Variants in WDR1 observed in about 807,000 individuals in gnomAD.
WDR1 encodes WD repeat-containing protein 1.
WDR1 carries 21 observed loss-of-function variants against 71.9 expected under a neutral mutation model. The observed-to-expected ratio is 0.29, with a 90% CI of 0.21 to 0.42. The LOEUF is 0.42. Among genes scored for constraint, WDR1 ranks in the 10% least tolerant of loss-of-function variants. The pLI, the probability that WDR1 is intolerant of heterozygous loss-of-function variation, is 1.00. For synonymous variants in WDR1, 424 were observed against 347.4 expected, an observed-to-expected ratio of 1.22 and a Z score of -2.45; for missense variants, 696 against 824.5, an observed-to-expected ratio of 0.84 and a Z score of 1.91.
At chr4:10,090,382 TCGATGTCCCCA>T (rs764870384) in intron 5 of WDR1, among the ~76,000 whole-genome samples, 26 of 151,910 alleles carry the variant, frequency 1.7e-4, no homozygotes, top group Non-Finnish European at 8.8e-5. Flanking sequence ...CTCAAGGAAA[TCGATGTCCCCA>T]CAAAGTCCGT....
At chr4:10,111,535 C>G (rs1057161368) in intron 2 of WDR1, among the ~76,000 whole-genome samples, 1 of 152,206 alleles carries the variant, frequency 6.6e-6, no homozygotes, top group African/African-American at 2.4e-5. Flanking sequence ...CTTCTGCCAC[C>G]TAGAGTTTAT....
intron 2 of WDR1, among the ~76,000 whole-genome samples, chr4:10,115,421 T>C (rs1295198079): frequency 6.6e-6 from 1 of 152,224 alleles, no homozygotes; most frequent in Non-Finnish European, 1.5e-5. Context: ...CTGCTTCCTG[T>C]TTTTGCTTTG....
intron 10 of WDR1, among the ~76,000 whole-genome samples, chr4:10,082,168 C>T (rs1381128223): frequency 6.6e-6 from 1 of 152,208 alleles, no homozygotes; most frequent in Non-Finnish European, 1.5e-5. Flanking sequence ...GGGGCCGCTT[C>T]TGCCACTCAT....
At chr4:10,085,471 GCCT>G (rs1765174393) in intron 8 of WDR1, among the ~76,000 whole-genome samples, 1 of 152,192 alleles carries the variant, frequency 6.6e-6, no homozygotes, top group Non-Finnish European at 1.5e-5. Context: ...GAGCTGGGCG[GCCT>G]CCTTCCAATG....
intron 5 of WDR1, chr4:10,092,463 CTG>C (rs561057759): frequency 2.0e-4 from 31 of 154,370 alleles, no homozygotes; most frequent in African/African-American, 7.0e-4. Flanking sequence ...AAATCCAAGT[CTG>C]TGGTTCACCT....
intron 11 of WDR1, among the ~76,000 whole-genome samples, chr4:10,079,769 G>T (rs1245874638): frequency 6.6e-6 from 1 of 152,182 alleles, no homozygotes; most frequent in African/African-American, 2.4e-5. Flanking sequence ...TGGATTGTGG[G>T]TGGATCGCGA....
intron 3 of WDR1, among the ~76,000 whole-genome samples, chr4:10,101,163 G>C (rs1712660868): frequency 6.6e-6 from 1 of 152,264 alleles, no homozygotes; most frequent in Non-Finnish European, 1.5e-5. Flanking sequence ...TCAGGAAAAG[G>C]AGGCCTGGGC....
At chr4:10,084,418 G>A in intron 9 of WDR1, 25 bp downstream of exon 9, 1 of 1,608,524 alleles carries the variant, frequency 6.2e-7, no homozygotes, top group South Asian at 1.1e-5. Context: ...CGGCTCCGGA[G>A]CCAGCTCTTT....
intron 11 of WDR1, among the ~76,000 whole-genome samples, chr4:10,080,165 C>T (rs532494837): frequency 2.8e-4 from 42 of 152,322 alleles, no homozygotes; most frequent in African/African-American, 8.7e-4. Flanking sequence ...GGGCAGCAGG[C>T]GCCAGCTGGG....
chr4:10,102,010 C>A (rs1712709947), intron 3 of WDR1, among the ~76,000 whole-genome samples: 1 of 152,206 alleles, frequency 6.6e-6, no homozygotes, highest in African/African-American at 2.4e-5. Flanking sequence ...ACACAAAAAC[C>A]ATTAAATGCC....
In WDR1 at chr4:10,078,067, G is replaced by C. The variant is rs1277926691; in HGVS notation, c.1396-141C>G. 3 of 1,097,944 alleles carry C rather than the reference G, an allele frequency of 2.7e-6. No homozygotes were observed. In the African/African-American group the frequency reaches 4.8e-5, roughly 18 times the overall value. 68.0% of individuals were successfully genotyped at this position (1,097,944 alleles called of 1,614,324 possible). A position where few individuals can be genotyped will look rare whatever the true frequency, so the allele number is the denominator to read the frequency against. On this transcript the variant is annotated intron_variant, in intron 12 of 14. Coordinates refer to ENST00000499869, the MANE Select transcript of WDR1 (RefSeq NM_017491.5). ...CTGCTGGGCCCATGCCAGGAGCTGG[G>C]CATGGCTCTTCCCGTGGATGGGCCT...
chr4:10,091,171 T>A (rs778707273), intron 5 of WDR1, among the ~76,000 whole-genome samples: 128 of 152,376 alleles, frequency 8.4e-4, no homozygotes, highest in Non-Finnish European at 1.6e-3. Context: ...TGGACGGTCG[T>A]CTCTGGCTAT....
intron 5 of WDR1, among the ~76,000 whole-genome samples, chr4:10,089,125 C>A (rs1711797913): frequency 6.6e-6 from 1 of 152,212 alleles, no homozygotes; most frequent in African/African-American, 2.4e-5. Context: ...TTCCTGGAGG[C>A]ACCAGCCCTG....
At position 10,084,209 on chromosome 4, in the gene WDR1, G is replaced by A. The variant is rs1287125135; in HGVS notation, c.1039+234C>T. Among the ~76,000 whole-genome samples the A allele has an allele frequency of 3.9e-5, 6 of 152,148 alleles. No individual in the cohort carries two copies. In the East Asian group the frequency reaches 7.7e-4, roughly 20 times the overall value. On this transcript the variant is annotated intron_variant, in intron 9 of 14. Transcript: ENST00000499869. ...AGAAGGGACTGATCAGGTCGGAGCCGCCCATGGCTTTTCCTCAGCATAAGC... is the reference window on the plus strand; with the variant it reads ...AGAAGGGACTGATCAGGTCGGAGCCACCCATGGCTTTTCCTCAGCATAAGC...
In WDR1 at chr4:10,081,365, T is replaced by C. The variant is rs745370234; in HGVS notation, c.1276A>G (p.Ile426Val). 2 of 1,613,652 alleles carry C rather than the reference T, an allele frequency of 1.2e-6. No individual in the cohort carries two copies. The highest frequency in any genetic ancestry group is 1.3e-5 in the African/African-American group (1 of 74,862). Residue 426 changes from isoleucine to valine, a missense_variant, in exon 11 of 15, where the codon ATT becomes GTT. Physicochemically the swap from Ile to Val is conservative, Grantham distance 29 (BLOSUM62 3). Transcript: ENST00000499869. ...CTAAGCCAGGTCCCTACCTGTCCAA[T>C]GCACACGACCACGGCGTATCCCCCG... ...GPGGYAVVVC[I>V]GQIVLLKDQR...
chr4:10,093,424 T>C (rs570767043), intron 5 of WDR1, among the ~76,000 whole-genome samples: 33 of 152,322 alleles, frequency 2.2e-4, no homozygotes, highest in African/African-American at 7.7e-4. Flanking sequence ...CTCTGGACCA[T>C]CCTTCAGCCC....
At position 10,078,909 on chromosome 4, in the gene WDR1, C is replaced by A. The variant is rs754699425; in HGVS notation, c.1377G>T (p.Thr459=). The A allele has an allele frequency of 6.2e-7, 1 of 1,612,400 alleles. No individual in the cohort carries two copies. The highest frequency in any genetic ancestry group is 8.5e-7 in the Non-Finnish European group (1 of 1,179,190). ...GACTTACCACACCCCCAATTGCCAC[C>A]GTGTCCCCGCCGGGGTGCACTGCCA... The part of the protein sequence containing the change: ...EVVAVHPGGD[T]VAIGGVDGNV... The change falls in exon 12 of 15, where the codon ACG becomes ACT. Residue 459 remains threonine, a synonymous_variant. Transcript: ENST00000499869.
intron 3 of WDR1, 27 bp downstream of exon 3, chr4:10,103,869 T>G (rs1486684302): frequency 6.7e-7 from 1 of 1,492,082 alleles, no homozygotes; most frequent in Admixed American, 2.0e-5. Context: ...CCCACAGGTG[T>G]CCACGAGCCT....
At chr4:10,115,075 T>C (rs1467022702) in intron 2 of WDR1, among the ~76,000 whole-genome samples, 2 of 152,246 alleles carry the variant, frequency 1.3e-5, no homozygotes, top group Non-Finnish European at 1.5e-5. Context: ...GAAATCAGGC[T>C]GACTTTAAGT....
Sources: allele counts gnomAD v4.1 joint callset (sites outside exome capture counted in the v4.1 genomes callset), GRCh38; gene constraint gnomAD v4.1.1; transcripts MANE v1.5; gene names NCBI Gene and HGNC (gene_info 2026-07-23, HGNC 2026-07-21).